THBS2: variants seen among roughly 807,000 people sequenced by gnomAD.
THBS2 encodes thrombospondin 2, also known as thrombospondin-2.
THBS2 carries 47 observed loss-of-function variants against 135.2 expected under a neutral mutation model. The ratio of observed to expected loss-of-function variants is 0.35; its 90% CI spans 0.28 to 0.44. The LOEUF is 0.44. Ranked by LOEUF, THBS2 falls within the 20% of genes least tolerant of loss-of-function variation. The pLI is 1.00. For missense variants in THBS2, 1,288 were observed against 1,603.1 expected (o/e 0.80, Z 3.36); for synonymous variants, 639 against 633.8 (o/e 1.01, Z -0.12).
intron 9 of THBS2, among the ~76,000 whole-genome samples, chr6:169,236,072 A>ACTCT (rs1780041720): frequency 1.8e-5 from 1 of 54,626 alleles, no homozygotes. Flanking sequence ...ATCCACACTC[A>ACTCT]CCATCCACAC....
rs142065140 is a variant in THBS2, at chr6:169,240,540, C to T, written c.944G>A (p.Arg315Lys). 3.7e-6 allele frequency: 6 copies of T among 1,613,934 alleles called. No homozygotes were observed. In the African/African-American group the frequency reaches 8.0e-5, roughly 22 times the overall value. The change falls in exon 6 of 22, where the codon AGG becomes AAG. Residue 315 changes from arginine to lysine, a missense_variant. By Grantham distance (26) the Arg-to-Lys change is conservative. Transcript: ENST00000617924. ...ATCCTGCCAGCAAGCTGACATGTTCCTTGTCTTAGGAGGGCCACCAATGAG... is the reference window on the plus strand; with the variant it reads ...ATCCTGCCAGCAAGCTGACATGTTCTTTGTCTTAGGAGGGCCACCAATGAG... ...WELIGGPPKT[R>K]NMSACWQDGR...
At chr6:169,221,929 A>G (rs1008925211) in intron 19 of THBS2, among the ~76,000 whole-genome samples, 1 of 152,176 alleles carries the variant, frequency 6.6e-6, no homozygotes, top group African/African-American at 2.4e-5. Flanking sequence ...ATTATGTCCT[A>G]TGCTCACTCC....
intron 6 of THBS2, 30 bp from the exon 7 acceptor site, chr6:169,239,725 A>G: frequency 2.0e-6 from 3 of 1,538,294 alleles, no homozygotes; most frequent in Non-Finnish European, 2.7e-6. Context: ...TGCATGGAAC[A>G]CTCATTTAAA....
intron 15 of THBS2, among the ~76,000 whole-genome samples, chr6:169,227,176 G>A (rs953938926): frequency 6.6e-6 from 1 of 152,162 alleles, no homozygotes; most frequent in Non-Finnish European, 1.5e-5. Context: ...TCAGAAAGGG[G>A]GTGGCTGGCG....
rs776997535 is a variant in THBS2 at position 169,220,287 on chromosome 6, T to C, written c.3422A>G (p.Tyr1141Cys). ...KQVMADSGPI[Y>C]DQTYAGGRLG... ...CCGCCCGCCAGCGTAGGTTTGGTCA[T>C]AGATAGGTCCTGAGTCTGCCATGAC... The change falls in exon 21 of 22, where the codon TAT becomes TGT. Residue 1141 changes from tyrosine to cysteine, a missense_variant. Around this residue, in one of 2 missense-constraint regions of THBS2, gnomAD observed 874 missense variants for 1,156.1 expected, o/e 0.76. Coordinates refer to ENST00000617924, the MANE Select transcript of THBS2 (RefSeq NM_003247.5). 6 of 1,613,940 alleles carry C rather than the reference T, an allele frequency of 3.7e-6. No individual in the cohort carries two copies. Among genetic ancestry groups the C allele is most frequent in the East Asian group, 4.5e-5 (2 of 44,874 alleles).
intron 14 of THBS2, 69 bp from the exon 15 acceptor site, chr6:169,228,350 A>G (rs1779715328): frequency 6.4e-7 from 1 of 1,557,344 alleles, no homozygotes; most frequent in Non-Finnish European, 8.7e-7. Flanking sequence ...TTTAGCACTT[A>G]TAAGTTATGT....
intron 7 of THBS2, 66 bp downstream of exon 7, chr6:169,239,533 T>A (rs1780217915): frequency 1.4e-6 from 2 of 1,455,290 alleles, no homozygotes; most frequent in Non-Finnish European, 1.9e-6. Context: ...AACCAATGAA[T>A]AAATAAACAA....
chr6:169,247,832 T>C (rs1780605514), intron 3 of THBS2, among the ~76,000 whole-genome samples: 1 of 151,802 alleles, frequency 6.6e-6, no homozygotes, highest in Non-Finnish European at 1.5e-5. Flanking sequence ...TATTTGTGTA[T>C]GTGCATGGGT....
rs757327989 is a variant in THBS2 at position 169,217,826 on chromosome 6, A to C, written c.3515T>G (p.Ile1172Ser). ...CGGAAATGCAGCAAATCTTGTTTAA[A>C]TATCTACAAAAAGAAAAAAAAAAGC... ...FSDLKYECRD[I>S] Residue 1172 changes from isoleucine (I) to serine (S), a missense_variant, in exon 22 of 22, where the codon ATT (isoleucine) becomes AGT (serine). Physicochemically the swap from Ile to Ser is moderately radical, Grantham distance 142. Coordinates refer to ENST00000617924, the MANE Select transcript of THBS2 (RefSeq NM_003247.5). 1.3e-6 allele frequency: 2 copies of C among 1,575,246 alleles called. No homozygotes were observed. Among genetic ancestry groups the C allele is most frequent in the Non-Finnish European group, 1.7e-6 (2 of 1,167,498 alleles).
chr6:169,220,433 C>G (rs1466222950), intron 20 of THBS2, 96 bp from the exon 21 acceptor site: 2 of 1,464,056 alleles, frequency 1.4e-6, no homozygotes, highest in Non-Finnish European at 1.9e-6. Context: ...CGGACACAAG[C>G]TGTGGATACT....
In THBS2 at chr6:169,232,221, G is replaced by A. The variant is rs1779864379; in HGVS notation, c.1933-23C>T. On this transcript the variant is annotated intron_variant, in intron 12 of 21. Transcript: ENST00000617924. ...CACCTACGGGGAGAAGGGCTGCGGG[G>A]TTAGCGACAGGCAGGACGATGGCTC... 9 of 1,610,980 alleles carry A rather than the reference G, an allele frequency of 5.6e-6. No individual in the cohort carries two copies. In the Admixed American group the frequency reaches 1.0e-4, roughly 18 times the overall value.
chr6:169,232,727 C>G lies in THBS2; in HGVS notation c.1869G>C (p.Pro623=), dbSNP rs772439581. ...CGGGCTGGTTCCCTCTGTATCGGGG[C>G]GGGCAGGGCAGGCAGTGGAAGCCAG... ...TQPGFHCLPC[P]PRYRGNQPVG... The change falls in exon 12 of 22, where the codon CCG becomes CCC. Residue 623 remains proline, a synonymous_variant. Coordinates refer to ENST00000617924, the MANE Select transcript of THBS2 (RefSeq NM_003247.5). The G allele has an allele frequency of 2.5e-6, 4 of 1,613,820 alleles. No individual in the cohort carries two copies.
chr6:169,218,886 ATGAG>A (rs1207725860), intron 21 of THBS2, among the ~76,000 whole-genome samples: 1 of 142,392 alleles, frequency 7.0e-6, no homozygotes, highest in Non-Finnish European at 1.5e-5. Flanking sequence ...TGGATGGATG[ATGAG>A]TGGGTGGGTA....
intron 18 of THBS2, among the ~76,000 whole-genome samples, chr6:169,222,988 A>G (rs1217246125): frequency 2.0e-5 from 3 of 152,070 alleles, no homozygotes; most frequent in Non-Finnish European, 4.4e-5. Context: ...AAGAGTTCTG[A>G]GAGGATTATG....
At position 169,228,166 on chromosome 6, in the gene THBS2, T is replaced by C. The variant is rs1458923611; in HGVS notation, c.2375A>G (p.Asn792Ser). Reference protein sequence around the residue: ...VHNPAQIDTDNNGEGDACSVD... With the variant: ...VHNPAQIDTDSNGEGDACSVD... ...GGAGCAGGCGTCACCCTCTCCATTG[T>C]TGTCTGTGTCGATCTGGGCAGGGTT... is the stretch of plus-strand genomic sequence containing the variant. The change falls in exon 15 of 22, where the codon AAC becomes AGC. Residue 792 changes from asparagine to serine, a missense_variant. Around this residue, in one of 2 missense-constraint regions of THBS2, gnomAD observed 874 missense variants for 1,156.1 expected, o/e 0.76. Coordinates refer to ENST00000617924, the MANE Select transcript of THBS2 (RefSeq NM_003247.5). 6.2e-7 allele frequency: 1 copy of C among 1,613,908 alleles called. No individual in the cohort carries two copies. Among genetic ancestry groups the C allele is most frequent in the South Asian group, 1.1e-5 (1 of 91,054 alleles).
At position 169,244,574 on chromosome 6, in the gene THBS2, C is replaced by G. The variant is rs1440260056; in HGVS notation, c.694+1623G>C. On this transcript the variant is annotated intron_variant, in intron 4 of 21. Coordinates refer to ENST00000617924, the MANE Select transcript of THBS2 (RefSeq NM_003247.5). Reference sequence around the variant, plus strand: ...TTTTGTTTATAAAAACAATATTTTTCTATATTAGTGAAAATACACACGCAC... The same window carrying G: ...TTTTGTTTATAAAAACAATATTTTTGTATATTAGTGAAAATACACACGCAC... Among the ~76,000 whole-genome samples the G allele has an allele frequency of 2.0e-5, 3 of 146,890 alleles. No homozygotes were observed. In the East Asian group the frequency reaches 6.1e-4, roughly 30 times the overall value.
intron 1 of THBS2, among the ~76,000 whole-genome samples, chr6:169,251,456 G>A (rs935492122): frequency 6.6e-6 from 1 of 152,104 alleles, no homozygotes; most frequent in Non-Finnish European, 1.5e-5. Context: ...ATTTTAAGTT[G>A]GCACAGCTCA....
At position 169,222,360 on chromosome 6, in the gene THBS2, A is replaced by G; in HGVS notation, c.3110T>C (p.Phe1037Ser). 3 of 1,613,696 alleles carry G rather than the reference A, an allele frequency of 1.9e-6. No homozygotes were observed. Among genetic ancestry groups the G allele is most frequent in the Non-Finnish European group, 2.5e-6 (3 of 1,180,042 alleles). The change falls in exon 19 of 22, where the codon TTC becomes TCC. Residue 1037 changes from phenylalanine to serine, a missense_variant. Around this residue, in one of 2 missense-constraint regions of THBS2, gnomAD observed 874 missense variants for 1,156.1 expected, o/e 0.76. Coordinates refer to ENST00000617924, the MANE Select transcript of THBS2 (RefSeq NM_003247.5). ...FVFGYQSSSR[F>S]YVVMWKQVTQ... Reference sequence around the variant, plus strand: ...CACCTGCTTCCACATCACCACATAGAAGCGGCTGCTTGACTGGTAACCAAA... The same window carrying G: ...CACCTGCTTCCACATCACCACATAGGAGCGGCTGCTTGACTGGTAACCAAA...
In THBS2 at chr6:169,248,403, C is replaced by T; in HGVS notation, c.609+14G>A. On this transcript the variant is annotated intron_variant, in intron 3 of 21. Transcript: ENST00000617924. The stretch of plus-strand genomic sequence containing the variant: ...TTTCCTCCCTCACGGCGGCCACCTC[C>T]CTGCAGAGCGTACCCTGAAGTGACT... The T allele has an allele frequency of 2.5e-6, 4 of 1,589,110 alleles. No individual in the cohort carries two copies. The highest frequency in any genetic ancestry group is 3.4e-6 in the Non-Finnish European group (4 of 1,162,880).
Sources: gnomAD v4.1 joint callset for allele counts (sites outside exome capture counted in the v4.1 genomes callset) on GRCh38, gnomAD v4.1.1 for gene constraint, gnomAD v4.1.1 regional missense constraint, MANE v1.5 for transcripts, NCBI Gene and HGNC (gene_info 2026-07-23, HGNC 2026-07-21) for gene names.